Variants in CALN1 observed in about 807,000 individuals in gnomAD.
CALN1 encodes the protein calneuron 1.
A neutral mutation model predicts 30.6 loss-of-function variants in CALN1; 17 were observed. The ratio of observed to expected loss-of-function variants is 0.56; its 90% confidence interval spans 0.38 to 0.83. CALN1 has a LOEUF of 0.83. CALN1 is among the 40% of genes least tolerant of loss of function. The pLI, the probability that CALN1 is intolerant of heterozygous loss-of-function variation, is 0.00. For missense variants in CALN1, 291 were observed against 354.9 expected (o/e 0.82, Z 1.45); for synonymous variants, 156 against 131.4 (o/e 1.19, Z -1.28).
At chr7:72,082,543 C>T (rs1033389207) in intron 4 of CALN1, among the ~76,000 whole-genome samples, 5 of 152,140 alleles carry the variant, frequency 3.3e-5, no homozygotes, top group Admixed American at 6.5e-5. Context: ...CCCAGAAAAC[C>T]ATGGTGGAAC....
intron 3 of CALN1, among the ~76,000 whole-genome samples, chr7:72,188,394 A>G (rs1790359789): frequency 6.6e-6 from 1 of 152,204 alleles, no homozygotes; most frequent in Admixed American, 6.5e-5. Flanking sequence ...AATTAATAGC[A>G]TTTGCAGCAA....
At chr7:72,005,414 G>A in intron 5 of CALN1, among the ~76,000 whole-genome samples, 1 of 152,102 alleles carries the variant, frequency 6.6e-6, no homozygotes, top group South Asian at 2.1e-4. Flanking sequence ...CTACAGCCTG[G>A]AACTCCCAGG....
At chr7:72,023,592 G>T in intron 5 of CALN1, 65 bp downstream of exon 5, 3 of 1,215,002 alleles carry the variant, frequency 2.5e-6, no homozygotes, top group Non-Finnish European at 3.6e-6. Flanking sequence ...CAAGAATTCA[G>T]TCAAAAGTTA....
chr7:72,302,893 CAAAA>C (rs71069055), intron 2 of CALN1, among the ~76,000 whole-genome samples: 53 of 48,756 alleles, frequency 1.1e-3, no homozygotes, highest in African/African-American at 3.3e-3. Context: ...GTGAGGGTCT[CAAAA>C]AAAAAAAAAA....
At chr7:72,283,349 ACCCTGTCTCT>A (rs1797861977) in intron 2 of CALN1, among the ~76,000 whole-genome samples, 1 of 152,062 alleles carries the variant, frequency 6.6e-6, no homozygotes, top group Non-Finnish European at 1.5e-5. Flanking sequence ...ACAGAGCAAG[ACCCTGTCTCT>A]TCACACAGAC....
At chr7:72,410,945 G>T (rs1373909266) in intron 1 of CALN1, among the ~76,000 whole-genome samples, 3 of 151,254 alleles carry the variant, frequency 2.0e-5, no homozygotes, top group Non-Finnish European at 4.4e-5. Context: ...CATAAGATGG[G>T]AAAAGAAATA....
rs532775059 is a variant in CALN1 at position 72,411,609 on chromosome 7, G to C, written c.-74+449C>G. 7.6e-4 allele frequency among the ~76,000 whole-genome samples: 116 copies of C among 152,204 alleles called. 1 individual carries two copies. The highest frequency in any genetic ancestry group is 5.2e-3 in the Admixed American group (80 of 15,284). On this transcript the variant is annotated intron_variant, in intron 1 of 6. Coordinates refer to ENST00000395275, the MANE Select transcript of CALN1 (RefSeq NM_031468.4). ...ATTGTAGTCTCAAAATACCACTTCCGGCTAAGTAATCAGCTCCATGGGAGG... is the reference window on the plus strand; with the variant it reads ...ATTGTAGTCTCAAAATACCACTTCCCGCTAAGTAATCAGCTCCATGGGAGG...
At chr7:72,124,132 A>C (rs1029600098) in intron 3 of CALN1, among the ~76,000 whole-genome samples, 4 of 152,164 alleles carry the variant, frequency 2.6e-5, no homozygotes, top group Non-Finnish European at 5.9e-5. Flanking sequence ...CCCTAAAGAG[A>C]CAGCGACCTG....
intron 2 of CALN1, among the ~76,000 whole-genome samples, chr7:72,318,177 C>T (rs1244457527): frequency 6.6e-6 from 1 of 152,164 alleles, no homozygotes; most frequent in East Asian, 1.9e-4. Flanking sequence ...GCAAATGATA[C>T]TCAAGTCTTA....
At chr7:71,886,732 C>G (rs1054193057) in intron 5 of CALN1, among the ~76,000 whole-genome samples, 2 of 148,266 alleles carry the variant, frequency 1.3e-5, no homozygotes, top group African/African-American at 5.0e-5. Flanking sequence ...GAGATCGCAC[C>G]ACTGCACTCC....
At chr7:72,054,805 G>A (rs1219085611) in intron 4 of CALN1, among the ~76,000 whole-genome samples, 1 of 152,016 alleles carries the variant, frequency 6.6e-6, no homozygotes, top group East Asian at 1.9e-4. Flanking sequence ...TGGGTACTAG[G>A]CTTAGTACAT....
chr7:71,925,166 G>A (rs1170919610), intron 5 of CALN1, among the ~76,000 whole-genome samples: 2 of 152,112 alleles, frequency 1.3e-5, no homozygotes, highest in Non-Finnish European at 2.9e-5. Context: ...GCTTGAACCT[G>A]GAAGGTGGAG....
the CALN1 span, among the ~76,000 whole-genome samples, chr7:72,499,063 C>T: frequency 6.6e-6 from 1 of 152,098 alleles, no homozygotes; most frequent in Non-Finnish European, 1.5e-5. Flanking sequence ...CAGAATCTCA[C>T]TCTGTAACCC....
intron 3 of CALN1, among the ~76,000 whole-genome samples, chr7:72,188,609 C>A (rs896727696): frequency 6.6e-6 from 1 of 152,072 alleles, no homozygotes; most frequent in Non-Finnish European, 1.5e-5. Flanking sequence ...GTGTACACTG[C>A]TCAGGTGATG....
intron 3 of CALN1, among the ~76,000 whole-genome samples, chr7:72,240,025 G>A (rs963477184): frequency 6.6e-6 from 1 of 152,062 alleles, no homozygotes; most frequent in Non-Finnish European, 1.5e-5. Context: ...AGCTCATTTT[G>A]CTGGGTAAAC....
chr7:72,266,215 A>G (rs1244286480), intron 3 of CALN1, among the ~76,000 whole-genome samples: 1 of 152,118 alleles, frequency 6.6e-6, no homozygotes, highest in African/African-American at 2.4e-5. Flanking sequence ...CTCTTTCCTC[A>G]TTGAAAATCA....
chr7:71,990,845 C>T (rs956283083), intron 5 of CALN1, among the ~76,000 whole-genome samples: 2 of 152,132 alleles, frequency 1.3e-5, no homozygotes, highest in Non-Finnish European at 2.9e-5. Context: ...CTTTCTTGTG[C>T]GAGGTCCAAG....
Position 71,965,736 on chromosome 7 carries a change from G to T in CALN1, c.501+57921C>A, listed in dbSNP as rs957514314. Among the ~76,000 whole-genome samples the T allele has an allele frequency of 6.6e-5, 10 of 151,080 alleles. 1 individual carries two copies. The highest frequency in any genetic ancestry group is 1.7e-4 in the African/African-American group (7 of 41,354). On this transcript the variant is annotated intron_variant, in intron 5 of 6. Coordinates refer to ENST00000395275, the MANE Select transcript of CALN1 (RefSeq NM_031468.4). The stretch of plus-strand genomic sequence containing the variant: ...GGTGAAAGTTCAAAGTTAGGCATAT[G>T]GTAGTGACCACTTAAAATATTTCAC...
chr7:72,262,929 A>G (rs751389704), intron 3 of CALN1, among the ~76,000 whole-genome samples: 3 of 152,224 alleles, frequency 2.0e-5, no homozygotes, highest in Non-Finnish European at 2.9e-5. Flanking sequence ...GAGCTAAGAC[A>G]CAAAGACTCA....
Sources: gnomAD v4.1 joint callset for allele counts (sites outside exome capture counted in the v4.1 genomes callset) on GRCh38, gnomAD v4.1.1 for gene constraint, MANE v1.5 for transcripts, NCBI Gene and HGNC (gene_info 2026-07-23, HGNC 2026-07-21) for gene names.